MAP2K6: variants seen among roughly 807,000 people sequenced by gnomAD.
MAP2K6 encodes the protein mitogen-activated protein kinase kinase 6.
A neutral mutation model predicts 53.7 loss-of-function variants in MAP2K6; 16 were observed. That is an observed-to-expected ratio of 0.30 (90% CI 0.20 to 0.45). The LOEUF is 0.45. Among genes scored for constraint, MAP2K6 ranks in the 20% least tolerant of loss-of-function variants. MAP2K6 has a pLI of 1.00. For missense variants in MAP2K6, 204 were observed against 411.9 expected, an observed-to-expected ratio of 0.50 and a Z score of 4.37; for synonymous variants, 132 against 143.1, an observed-to-expected ratio of 0.92 and a Z score of 0.55.
intron 1 of MAP2K6, among the ~76,000 whole-genome samples, chr17:69,438,628 C>T (rs1023974056): frequency 9.2e-5 from 14 of 152,166 alleles, no homozygotes; most frequent in Middle Eastern, 3.4e-3. Context: ...GCTCTGTCAC[C>T]CAGGCTGTAA....
chr17:69,439,879 A>T (rs1906762241), intron 1 of MAP2K6, among the ~76,000 whole-genome samples: 1 of 152,192 alleles, frequency 6.6e-6, no homozygotes, highest in Non-Finnish European at 1.5e-5. Flanking sequence ...CACACACCAG[A>T]CACTGTGCTA....
intron 1 of MAP2K6, among the ~76,000 whole-genome samples, chr17:69,478,316 A>AT (rs1346304354): frequency 6.6e-6 from 1 of 152,192 alleles, no homozygotes; most frequent in African/African-American, 2.4e-5. Context: ...TTACCATTGC[A>AT]TATGTGTCCT....
At chr17:69,509,619 A>G (rs990935331) in intron 2 of MAP2K6, among the ~76,000 whole-genome samples, 2 of 151,838 alleles carry the variant, frequency 1.3e-5, no homozygotes, top group Non-Finnish European at 2.9e-5. Context: ...TTTTACTTTC[A>G]TTTTCTTGCC....
At chr17:69,499,593 T>C (rs1181117464) in intron 1 of MAP2K6, among the ~76,000 whole-genome samples, 1 of 152,252 alleles carries the variant, frequency 6.6e-6, no homozygotes, top group Non-Finnish European at 1.5e-5. Flanking sequence ...TGAAGAGCTC[T>C]GTACAAATGT....
Position 69,515,235 on chromosome 17 carries a change from C to A in MAP2K6, c.84-1620C>A, listed in dbSNP as rs1283394443. Among the ~76,000 whole-genome samples the A allele has an allele frequency of 5.9e-5, 9 of 151,970 alleles. No individual in the cohort carries two copies. In the East Asian group the frequency reaches 1.7e-3, roughly 30 times the overall value. ...GTAATGGCACAATCTCGGCTCACTG[C>A]AACCTCCGCCTTCCGGGTTCAAGCG... is the stretch of plus-strand genomic sequence containing the variant. On this transcript the variant is annotated intron_variant, in intron 2 of 11. Coordinates refer to ENST00000590474, the MANE Select transcript of MAP2K6 (RefSeq NM_002758.4).
At chr17:69,424,741 G>A (rs2145130539) in intron 1 of MAP2K6, among the ~76,000 whole-genome samples, 1 of 152,264 alleles carries the variant, frequency 6.6e-6, no homozygotes, top group East Asian at 1.9e-4. Flanking sequence ...AATTAAGAAG[G>A]GCTGACCTGT....
intron 1 of MAP2K6, among the ~76,000 whole-genome samples, chr17:69,503,320 C>T (rs1909267436): frequency 6.6e-6 from 1 of 152,174 alleles, no homozygotes; most frequent in African/African-American, 2.4e-5. Flanking sequence ...TGGAATTAGG[C>T]CATATATCTA....
In MAP2K6 at chr17:69,506,019, T is replaced by C. The variant is rs74538393; in HGVS notation, c.83+173T>C. 4.6e-5 allele frequency among the ~76,000 whole-genome samples: 7 copies of C among 152,304 alleles called. No individual in the cohort carries two copies. In the East Asian group the frequency reaches 1.4e-3, roughly 29 times the overall value. On this transcript the variant is annotated intron_variant, in intron 2 of 11. Transcript: ENST00000590474. ...ATAGTCATCTTATCAGTCAGTTACG[T>C]TGAATGGGTAGTTTTGAACTCAGTG...
intron 1 of MAP2K6, among the ~76,000 whole-genome samples, chr17:69,500,171 C>T (rs1202474215): frequency 1.8e-4 from 27 of 152,118 alleles, no homozygotes; most frequent in Admixed American, 1.8e-3. Context: ...CAGTGGCTCA[C>T]ACCTGTAATC....
At chr17:69,455,212 G>T (rs1907364739) in intron 1 of MAP2K6, among the ~76,000 whole-genome samples, 1 of 152,104 alleles carries the variant, frequency 6.6e-6, no homozygotes, top group Non-Finnish European at 1.5e-5. Flanking sequence ...TCTGTCCACT[G>T]CATGTAAACA....
chr17:69,549,876 C>G lies in MAP2K6; in HGVS notation c.*8123C>G, dbSNP rs1288334592. 1 of 151,748 alleles carries G rather than the reference C, an allele frequency of 6.6e-6. No individual in the cohort carries two copies. The highest frequency in any genetic ancestry group is 1.5e-5 in the Non-Finnish European group (1 of 67,986). 9.4% of individuals were successfully genotyped at this position (151,748 alleles called of 1,614,324 possible). A position where few individuals can be genotyped will look rare whatever the true frequency, so the allele number is the denominator to read the frequency against. ...CTGGACTTTGGAATATAAGGCTGAACAGTGATGTGAAGTCATGTTTGGGGG... is the reference window on the plus strand; with the variant it reads ...CTGGACTTTGGAATATAAGGCTGAAGAGTGATGTGAAGTCATGTTTGGGGG... On this transcript the variant is annotated 3_prime_UTR_variant, in exon 12 of 12. Coordinates refer to ENST00000590474, the MANE Select transcript of MAP2K6 (RefSeq NM_002758.4).
At chr17:69,515,885 A>G (rs565336190) in intron 2 of MAP2K6, among the ~76,000 whole-genome samples, 2 of 152,314 alleles carry the variant, frequency 1.3e-5, no homozygotes, top group Admixed American at 1.3e-4. Context: ...AACAGAATAT[A>G]TGCCATTACT....
intron 2 of MAP2K6, among the ~76,000 whole-genome samples, chr17:69,512,112 G>C (rs1909854205): frequency 6.6e-6 from 1 of 151,806 alleles, no homozygotes. Context: ...CTCCAAGTTA[G>C]TATTATCACA....
rs1291445218 is a variant in MAP2K6 at position 69,494,369 on chromosome 17, A to G, written c.17-11411A>G. Among the ~76,000 whole-genome samples, 3 of 152,080 alleles carry G rather than the reference A, an allele frequency of 2.0e-5. No homozygotes were observed. Among genetic ancestry groups the G allele is most frequent in the Non-Finnish European group, 2.9e-5 (2 of 68,010 alleles). ...AAAAATTAGCTGGGCATGGTGGCAC[A>G]TGCCTGTAATCTCAGCTACTTGGGA... On this transcript the variant is annotated intron_variant, in intron 1 of 11. Coordinates refer to ENST00000590474, the MANE Select transcript of MAP2K6 (RefSeq NM_002758.4). The surrounding 1 kb of genome is among the most constrained non-coding windows in gnomAD (Gnocchi z 4.2).
chr17:69,450,352 C>T (rs1907178327), intron 1 of MAP2K6, among the ~76,000 whole-genome samples: 1 of 152,190 alleles, frequency 6.6e-6, no homozygotes, highest in African/African-American at 2.4e-5. Flanking sequence ...AAGTACTCGG[C>T]TTGACTCTGA....
intron 1 of MAP2K6, among the ~76,000 whole-genome samples, chr17:69,425,888 C>G (rs888574730): frequency 1.3e-5 from 2 of 151,892 alleles, no homozygotes; most frequent in Non-Finnish European, 2.9e-5. Flanking sequence ...TAGAGATAAC[C>G]TTTTTGTGAT....
chr17:69,528,744 A>G lies in MAP2K6; in HGVS notation c.881+2035A>G, dbSNP rs1459818093. Reference sequence around the variant, plus strand: ...TGTGGTAGCACACACCTGTAGTCCCAGCTACTCGGGAGATTGATGCAGGAG... The same window carrying G: ...TGTGGTAGCACACACCTGTAGTCCCGGCTACTCGGGAGATTGATGCAGGAG... On this transcript the variant is annotated intron_variant, in intron 10 of 11. Coordinates refer to ENST00000590474, the MANE Select transcript of MAP2K6 (RefSeq NM_002758.4). Among the ~76,000 whole-genome samples the G allele has an allele frequency of 2.0e-5, 3 of 151,492 alleles. No homozygotes were observed. The East Asian group carries it at 5.9e-4, about 30-fold the overall frequency.
intron 2 of MAP2K6, among the ~76,000 whole-genome samples, chr17:69,513,541 T>C (rs1177432905): frequency 1.3e-5 from 2 of 152,146 alleles, no homozygotes; most frequent in Non-Finnish European, 2.9e-5. Flanking sequence ...AAAGTTAGTA[T>C]AGGGCCAAGG....
chr17:69,511,311 C>T (rs1281901766), intron 2 of MAP2K6, among the ~76,000 whole-genome samples: 1 of 152,112 alleles, frequency 6.6e-6, no homozygotes, highest in Non-Finnish European at 1.5e-5. Context: ...TAAATTTGTA[C>T]TCCTAAAGAA....
Sources: gnomAD v4.1 joint callset for allele counts (sites outside exome capture counted in the v4.1 genomes callset) on GRCh38, gnomAD v4.1.1 for gene constraint, Gnocchi (gnomAD v3.1) non-coding constraint, MANE v1.5 for transcripts, NCBI Gene and HGNC (gene_info 2026-07-23, HGNC 2026-07-21) for gene names.